Variants in KIF17 observed in about 807,000 individuals in gnomAD.
The protein encoded by KIF17 is kinesin-like protein KIF17.
Under a neutral mutation model 96.8 loss-of-function variants are expected in KIF17, and 80 were observed. The observed-to-expected ratio is 0.83, with a 90% CI of 0.69 to 1.00. The LOEUF (loss-of-function observed/expected upper bound fraction) is 1.00. Among genes scored for constraint, KIF17 ranks in the 50% least tolerant of loss-of-function variants. The pLI, the probability that KIF17 is intolerant of heterozygous loss-of-function variation, is 0.00. For synonymous variants in KIF17, 567 were observed against 587.5 expected, an observed-to-expected ratio of 0.97 and a Z score of 0.51; for missense variants, 1,280 against 1,372.9, an observed-to-expected ratio of 0.93 and a Z score of 1.07.
chr1:20,670,370 G>T, intron 13 of KIF17, 51 bp downstream of exon 13: 1 of 1,552,168 alleles, frequency 6.4e-7, no homozygotes, highest in Non-Finnish European at 8.9e-7. Flanking sequence ...AGCACTGGGG[G>T]CAAAGCCCTC....
Position 20,685,324 on chromosome 1 carries a change from G to A in KIF17, c.2020-304C>T, listed in dbSNP as rs2053918429. On this transcript the variant is annotated intron_variant, in intron 9 of 14. Coordinates refer to ENST00000400463, the MANE Select transcript of KIF17 (RefSeq NM_001122819.3). The surrounding 1 kb of genome is among the most constrained non-coding windows in gnomAD (Gnocchi z 4.1). ...AAACCGATCACATCCCGTTCCCGAT[G>A]AGCCCCATGTGACTTCCCGTCACGT... The A allele has an allele frequency of 3.6e-6, 2 of 561,828 alleles. No individual in the cohort carries two copies. Among genetic ancestry groups the A allele is most frequent in the South Asian group, 1.6e-5 (1 of 62,040 alleles). 34.8% of individuals were successfully genotyped at this position (561,828 alleles called of 1,614,324 possible).
intron 1 of KIF17, among the ~76,000 whole-genome samples, chr1:20,717,035 G>C (rs74058989): frequency 6.6e-6 from 1 of 152,190 alleles, no homozygotes; most frequent in Non-Finnish European, 1.5e-5. Context: ...TTGCCAGTGA[G>C]GGAAGATAAA....
downstream of KIF17, among the ~76,000 whole-genome samples, chr1:20,661,941 T>C (rs1026240731): frequency 1.3e-5 from 2 of 152,258 alleles, no homozygotes; most frequent in African/African-American, 4.8e-5. Context: ...GACGGGCCTG[T>C]GCTGCCCAGC....
In KIF17 at chr1:20,672,105, C is replaced by T. The variant is rs139517726; in HGVS notation, c.2555G>A (p.Arg852His). 1,092 of 1,614,214 alleles carry T rather than the reference C, an allele frequency of 6.8e-4. 1 individual carries two copies. Among genetic ancestry groups the T allele is most frequent in the Non-Finnish European group, 7.6e-4 (899 of 1,180,046 alleles). ...GAGCTGCTGCAAGAGCATGGAGTCA[C>T]GCTCCTGCCGGCGGATGGTGGCCAA... ...DYLATIRRQE[R>H]DSMLLQQLLE... The change falls in exon 12 of 15, where the codon CGT becomes CAT. Residue 852 changes from arginine (R) to histidine (H), a missense_variant. Arg to His is a conservative substitution (Grantham distance 29). Transcript: ENST00000400463. This position sits in a 1 kb window ranked among gnomAD's most constrained non-coding sequence, Gnocchi z 4.3.
chr1:20,684,676 G>A (rs1273238001), intron 10 of KIF17, 133 bp downstream of exon 10: 47 of 868,392 alleles, frequency 5.4e-5, no homozygotes, highest in Non-Finnish European at 7.2e-6. Context: ...CGCCTGGAGA[G>A]AGGATCAGGG....
rs1412321145 is a variant in KIF17, at chr1:20,715,571, G to C, written c.300C>G (p.Thr100=). The C allele has an allele frequency of 1.9e-6, 3 of 1,613,176 alleles. No individual in the cohort carries two copies. Among genetic ancestry groups the C allele is most frequent in the Non-Finnish European group, 1.7e-6 (2 of 1,179,718 alleles). ...YGQTGSGKSF[T]MQGLPDPPSQ... is the part of the protein sequence containing the mutation. Reference sequence around the variant, plus strand: ...AGGGCGGATCCGGCAGGCCCTGCATGGTGAAGGACTTCCCGCTGCCTGTCT... The same window carrying C: ...AGGGCGGATCCGGCAGGCCCTGCATCGTGAAGGACTTCCCGCTGCCTGTCT... The change falls in exon 2 of 15, where the codon ACC becomes ACG. Residue 100 remains threonine, a synonymous_variant. Coordinates refer to ENST00000400463, the MANE Select transcript of KIF17 (RefSeq NM_001122819.3).
chr1:20,686,075 C>T lies in KIF17; in HGVS notation c.1990G>A (p.Glu664Lys), dbSNP rs773850446. Residue 664 changes from glutamate (E) to lysine (K), a missense_variant, in exon 9 of 15, where the codon GAG (glutamate) becomes AAG (lysine). Glu to Lys is a moderately conservative substitution (Grantham distance 56, BLOSUM62 1). Transcript: ENST00000400463. ...LEPSDARPEA[E>K]AADDFPPRPE... ...CTGGGCGGGAAGTCATCAGCCGCCT[C>T]GGCTTCGGGCCTGGCATCACTGGGC... 1.5e-5 allele frequency: 23 copies of T among 1,562,414 alleles called. No individual in the cohort carries two copies. The highest frequency in any genetic ancestry group is 1.7e-4 in the Middle Eastern group (1 of 5,966).
rs904370687 is a variant in KIF17 at position 20,683,972 on chromosome 1, G to C, written c.2231+837C>G. Among the ~76,000 whole-genome samples, 3 of 152,370 alleles carry C rather than the reference G, an allele frequency of 2.0e-5. No individual in the cohort carries two copies. The South Asian group carries it at 6.2e-4, about 32-fold the overall frequency. On this transcript the variant is annotated intron_variant, in intron 10 of 14. Coordinates refer to ENST00000400463, the MANE Select transcript of KIF17 (RefSeq NM_001122819.3). ...AAAACAGCCAGGACATGTGCCAAGT[G>C]TTTACTGCGTGCCCAGCGCGGGGCT...
intron 14 of KIF17, among the ~76,000 whole-genome samples, chr1:20,665,394 A>T (rs1323759634): frequency 6.2e-5 from 5 of 80,894 alleles, no homozygotes; most frequent in Non-Finnish European, 9.2e-5. Flanking sequence ...TACCCAGCTA[A>T]TTTTTTTTTT....
At chr1:20,715,413 C>G in intron 2 of KIF17, 80 bp downstream of exon 2, 1 of 1,577,736 alleles carries the variant, frequency 6.3e-7, no homozygotes. Flanking sequence ...AAAGACTTCC[C>G]GTGTCTCTGC....
chr1:20,682,628 A>G, intron 11 of KIF17, 25 bp downstream of exon 11: 1 of 1,607,286 alleles, frequency 6.2e-7, no homozygotes, highest in African/African-American at 1.3e-5. Flanking sequence ...GCAGCTGGGC[A>G]TGGGGGGCTG....
intron 4 of KIF17, among the ~76,000 whole-genome samples, chr1:20,707,546 G>A (rs2054362318): frequency 6.6e-6 from 1 of 152,092 alleles, no homozygotes. Flanking sequence ...AGGCTGAGGT[G>A]GATTGCTTGA....
At chr1:20,690,097 G>A (rs1203055047) in intron 7 of KIF17, 91 bp downstream of exon 7, 2 of 1,407,310 alleles carry the variant, frequency 1.4e-6, no homozygotes, top group African/African-American at 1.4e-5. Flanking sequence ...ATCCTCGGGT[G>A]TAGAAAATGC....
Position 20,687,331 on chromosome 1 carries a change from C to A in KIF17, c.1938+57G>T. Reference sequence around the variant, plus strand: ...AGTGTGTGCACAGTGAGCTCCGGGCCCTGGGCAAGCTCTGCCTGCTCAGTG... The same window carrying A: ...AGTGTGTGCACAGTGAGCTCCGGGCACTGGGCAAGCTCTGCCTGCTCAGTG... On this transcript the variant is annotated intron_variant, in intron 8 of 14. Coordinates refer to ENST00000400463, the MANE Select transcript of KIF17 (RefSeq NM_001122819.3). The surrounding 1 kb of genome is among the most constrained non-coding windows in gnomAD (Gnocchi z 4.4). 1 of 1,585,148 alleles carries A rather than the reference C, an allele frequency of 6.3e-7. No homozygotes were observed. Among genetic ancestry groups the A allele is most frequent in the Non-Finnish European group, 8.7e-7 (1 of 1,155,920 alleles).
downstream of KIF17, among the ~76,000 whole-genome samples, chr1:20,663,621 AGT>A (rs2053474212): frequency 6.6e-6 from 1 of 152,148 alleles, no homozygotes; most frequent in Admixed American, 6.5e-5. Flanking sequence ...CCTGGGATAG[AGT>A]GTGCAAGGGG....
intron 6 of KIF17, among the ~76,000 whole-genome samples, chr1:20,692,520 G>C (rs746578806): frequency 6.6e-6 from 1 of 151,970 alleles, no homozygotes; most frequent in Admixed American, 6.6e-5. Context: ...GCTAATTTTC[G>C]TATTTTTGGC....
intron 13 of KIF17, among the ~76,000 whole-genome samples, 180 bp downstream of exon 13, chr1:20,670,241 G>T (rs985368321): frequency 3.9e-5 from 6 of 152,160 alleles, no homozygotes; most frequent in Non-Finnish European, 5.9e-5. Context: ...AGGGCCAGAG[G>T]GGGTTGAGGG....
intron 4 of KIF17, among the ~76,000 whole-genome samples, chr1:20,706,265 C>T (rs967067090): frequency 4.6e-5 from 7 of 151,366 alleles, no homozygotes; most frequent in African/African-American, 1.5e-4. Context: ...AAACAGACAG[C>T]GCATTCGTAG....
intron 1 of KIF17, 150 bp downstream of exon 1, chr1:20,717,326 T>C: frequency 1.2e-6 from 1 of 809,256 alleles, no homozygotes; most frequent in Non-Finnish European, 1.9e-6. Context: ...GTGTCCCGCC[T>C]GGACAAAAGC....
Sources: allele counts gnomAD v4.1 joint callset (sites outside exome capture counted in the v4.1 genomes callset), GRCh38; gene constraint gnomAD v4.1.1; non-coding constraint Gnocchi (gnomAD v3.1); transcripts MANE v1.5; gene names NCBI Gene and HGNC (gene_info 2026-07-23, HGNC 2026-07-21).